PLXNC1: variants seen among roughly 807,000 people sequenced by gnomAD.
PLXNC1 encodes plexin C1, also known as plexin-C1.
In PLXNC1, 75 loss-of-function variants were observed where a neutral mutation model predicts 178.2. The observed-to-expected ratio is 0.42, with a 90% CI of 0.35 to 0.51. The LOEUF (loss-of-function observed/expected upper bound fraction) is 0.51, where lower values mean the gene tolerates loss of function less well. Among genes scored for constraint, PLXNC1 ranks in the 20% least tolerant of loss-of-function variants. The pLI, the probability that PLXNC1 is intolerant of heterozygous loss-of-function variation, is 0.02. For synonymous variants in PLXNC1, 790 were observed against 779.9 expected, an observed-to-expected ratio of 1.01 and a Z score of -0.22; for missense variants, 1,503 against 1,984.4, an observed-to-expected ratio of 0.76 and a Z score of 4.61.
At chr12:94,215,556 T>TGATTGATA (rs1963620310) in intron 5 of PLXNC1, among the ~76,000 whole-genome samples, 1 of 149,222 alleles carries the variant, frequency 6.7e-6, no homozygotes, top group Admixed American at 6.7e-5. Flanking sequence ...CAAACATAGA[T>TGATTGATA]GATAGATAGA....
chr12:94,247,928 A>G lies in PLXNC1; in HGVS notation c.2414A>G (p.Tyr805Cys). 3 of 1,614,040 alleles carry G rather than the reference A, an allele frequency of 1.9e-6. No homozygotes were observed. Among genetic ancestry groups the G allele is most frequent in the Non-Finnish European group, 2.5e-6 (3 of 1,179,994 alleles). Reference sequence around the variant, plus strand: ...GTCTCTGAATATTGTGTGGCGACTTACTGCGGGTTTTTAGCCCCCAGTTTA... The same window carrying G: ...GTCTCTGAATATTGTGTGGCGACTTGCTGCGGGTTTTTAGCCCCCAGTTTA... ...INVSEYCVAT[Y>C]CGFLAPSLKS... The change falls in exon 13 of 31, where the codon TAC becomes TGC. Residue 805 changes from tyrosine (Y) to cysteine (C), a missense_variant. Physicochemically the swap from Tyr to Cys is radical, Grantham distance 194 (BLOSUM62 -2). This residue lies in a region of PLXNC1 where 639 missense variants were observed against 979.7 expected (regional missense o/e 0.65). Coordinates refer to ENST00000258526, the MANE Select transcript of PLXNC1 (RefSeq NM_005761.3).
chr12:94,253,211 GAAAAAA>G (rs35584186), intron 15 of PLXNC1, among the ~76,000 whole-genome samples: 10 of 42,016 alleles, frequency 2.4e-4, no homozygotes, highest in African/African-American at 3.6e-4. Flanking sequence ...CTCCGTCTCA[GAAAAAA>G]AAAAAAAAAA....
intron 3 of PLXNC1, among the ~76,000 whole-genome samples, chr12:94,185,582 T>C (rs995637744): frequency 6.6e-6 from 1 of 152,196 alleles, no homozygotes; most frequent in African/African-American, 2.4e-5. Flanking sequence ...TGCTGTTTCC[T>C]GACAATGGCA....
At chr12:94,215,354 T>G (rs930521734) in intron 5 of PLXNC1, among the ~76,000 whole-genome samples, 3 of 152,236 alleles carry the variant, frequency 2.0e-5, no homozygotes, top group South Asian at 2.1e-4. Flanking sequence ...GGTGAGAAGA[T>G]ATCATAAAAA....
At chr12:94,283,388 C>T (rs375163863) in intron 23 of PLXNC1, among the ~76,000 whole-genome samples, 4 of 152,300 alleles carry the variant, frequency 2.6e-5, no homozygotes, top group African/African-American at 7.2e-5. Context: ...AGGGCAGTGA[C>T]AGCTGATTAT....
chr12:94,186,377 G>A lies in PLXNC1; in HGVS notation c.1343G>A (p.Arg448Lys), dbSNP rs980087047. ...CATTGTCCTCTTTCCTTTTAGGTGA[G>A]GAGAATTCGTGTTGCAAACTGCAAT... ...YIYLTAGKEV[R>K]RIRVANCNKH... is the part of the protein sequence containing the mutation. The change falls in exon 4 of 31, where the codon AGG (arginine) becomes AAG (lysine). Residue 448 changes from arginine (R) to lysine (K), a missense_variant. Transcript: ENST00000258526. 2 of 1,608,962 alleles carry A rather than the reference G, an allele frequency of 1.2e-6. No homozygotes were observed. The highest frequency in any genetic ancestry group is 2.2e-5 in the East Asian group (1 of 44,864).
intron 15 of PLXNC1, chr12:94,254,331 T>C (rs1226783627): frequency 2.7e-6 from 1 of 364,016 alleles, no homozygotes; most frequent in African/African-American, 2.1e-5. Context: ...GTTTGGCCCA[T>C]GTAGCCAACT....
rs775657253 is a variant in PLXNC1 at position 94,237,667 on chromosome 12, TTCTACA to T, written c.1986_1991del (p.Tyr663_Ile664del). On this transcript the variant is annotated inframe_deletion, in exon 10 of 31. Transcript: ENST00000258526. ...TTTAATCTTTTCTTTCCAATAGGTC[TTCTACA>T]TTAAGTCCATTGAGCCACAGAAAGT... The T allele has an allele frequency of 1.2e-6, 2 of 1,613,234 alleles. No homozygotes were observed. Among genetic ancestry groups the T allele is most frequent in the East Asian group, 4.5e-5 (2 of 44,868 alleles).
intron 3 of PLXNC1, among the ~76,000 whole-genome samples, chr12:94,184,350 TCCTGA>T (rs1962434787): frequency 6.6e-6 from 1 of 151,882 alleles, no homozygotes; most frequent in Non-Finnish European, 1.5e-5. Flanking sequence ...GGTCTCAAAC[TCCTGA>T]CCTCAGGTGA....
At chr12:94,301,963 A>T (rs1968508025) in intron 28 of PLXNC1, among the ~76,000 whole-genome samples, 1 of 149,566 alleles carries the variant, frequency 6.7e-6, no homozygotes, top group Non-Finnish European at 1.5e-5. Context: ...CCTTAGCCTT[A>T]TCACTTAGCC....
chr12:94,262,848 C>T (rs550003779), intron 20 of PLXNC1: 1 of 883,762 alleles, frequency 1.1e-6, no homozygotes, highest in South Asian at 5.2e-5. Context: ...ATGCTAAGAG[C>T]TTTACCTATC....
At chr12:94,290,843 T>C (rs1270712929) in intron 23 of PLXNC1, among the ~76,000 whole-genome samples, 2 of 152,228 alleles carry the variant, frequency 1.3e-5, no homozygotes, top group African/African-American at 4.8e-5. Flanking sequence ...AAAAGTCACT[T>C]AGCTGATAAG....
At chr12:94,181,030 A>G (rs1962283110) in intron 2 of PLXNC1, among the ~76,000 whole-genome samples, 2 of 152,184 alleles carry the variant, frequency 1.3e-5, no homozygotes, top group Non-Finnish European at 2.9e-5. Flanking sequence ...ATGGTACCTT[A>G]GGCAGTATTT....
chr12:94,303,427 T>G (rs1168341203), intron 28 of PLXNC1, among the ~76,000 whole-genome samples: 1 of 152,208 alleles, frequency 6.6e-6, no homozygotes, highest in Non-Finnish European at 1.5e-5. Flanking sequence ...CCATTAGTAA[T>G]GAACTATGAT....
At chr12:94,208,300 G>A (rs1476466941) in intron 4 of PLXNC1, among the ~76,000 whole-genome samples, 1 of 152,200 alleles carries the variant, frequency 6.6e-6, no homozygotes, top group African/African-American at 2.4e-5. Flanking sequence ...AGAAGCCGGT[G>A]ACATGCTAAA....
rs1461201910 is a variant in PLXNC1 at position 94,266,485 on chromosome 12, G to A, written c.3597+1260G>A. On this transcript the variant is annotated intron_variant, in intron 21 of 30. Coordinates refer to ENST00000258526, the MANE Select transcript of PLXNC1 (RefSeq NM_005761.3). ...CCAGAAAGCTCACTAAACACCAGTC[G>A]CTAGGCAGCATGCTGGAGTTTCCGA... Among the ~76,000 whole-genome samples, 4 of 152,218 alleles carry A rather than the reference G, an allele frequency of 2.6e-5. No homozygotes were observed. In the East Asian group the frequency reaches 7.7e-4, roughly 29 times the overall value.
At chr12:94,229,891 T>G (rs1964045703) in intron 9 of PLXNC1, among the ~76,000 whole-genome samples, 1 of 152,254 alleles carries the variant, frequency 6.6e-6, no homozygotes, top group South Asian at 2.1e-4. Flanking sequence ...AACTTTTAAT[T>G]TTGAGATAAT....
chr12:94,185,723 G>A (rs1461881691), intron 3 of PLXNC1, among the ~76,000 whole-genome samples: 1 of 152,202 alleles, frequency 6.6e-6, no homozygotes, highest in African/African-American at 2.4e-5. Flanking sequence ...GCAGGGGTGT[G>A]GGAGGGCCTC....
At chr12:94,304,869 G>T (rs1239178087) in intron 30 of PLXNC1, among the ~76,000 whole-genome samples, 1 of 152,216 alleles carries the variant, frequency 6.6e-6, no homozygotes. Flanking sequence ...CTGCATGTTG[G>T]CTGCCCAGGA....
Sources: allele counts gnomAD v4.1 joint callset (sites outside exome capture counted in the v4.1 genomes callset), GRCh38; gene constraint gnomAD v4.1.1; regional missense constraint gnomAD v4.1.1; transcripts MANE v1.5; gene names NCBI Gene and HGNC (gene_info 2026-07-23, HGNC 2026-07-21).